ZNF552: variants seen among roughly 807,000 people sequenced by gnomAD.
ZNF552 encodes zinc finger protein 552.
ZNF552 carries 2 observed loss-of-function variants against 7.2 expected under a neutral mutation model. That is an observed-to-expected ratio of 0.28 (90% CI 0.11 to 0.88). The LOEUF (loss-of-function observed/expected upper bound fraction) is 0.88, where lower values mean the gene tolerates loss of function less well. Ranked by LOEUF, ZNF552 falls within the 40% of genes least tolerant of loss-of-function variation. The probability of loss-of-function intolerance (pLI) is 0.60; values close to 1 mark genes in which losing one functional copy is unlikely to be tolerated. For missense variants in ZNF552, 421 were observed against 493.4 expected (o/e 0.85, Z 1.39); for synonymous variants, 173 against 176.5 (o/e 0.98, Z 0.16).
chr19:57,809,961 G>A (rs1987822049), intron 2 of ZNF552, among the ~76,000 whole-genome samples: 1 of 151,516 alleles, frequency 6.6e-6, no homozygotes, highest in South Asian at 2.1e-4. Context: ...ACAAACATTA[G>A]CCAGGTGTGA....
At chr19:57,810,921 T>C (rs1322652573) in intron 2 of ZNF552, among the ~76,000 whole-genome samples, 1 of 152,280 alleles carries the variant, frequency 6.6e-6, no homozygotes, top group Non-Finnish European at 1.5e-5. Context: ...CTTTAAGGCA[T>C]TGAGATGTTT....
At chr19:57,813,979 C>G (rs1304862434) in intron 1 of ZNF552, among the ~76,000 whole-genome samples, 1 of 109,242 alleles carries the variant, frequency 9.2e-6, no homozygotes, top group Non-Finnish European at 2.0e-5. Context: ...CCGGACCAAC[C>G]CGCCTAGGCC....
chr19:57,808,090 T>A lies in ZNF552; in HGVS notation c.1174A>T (p.Ile392Phe). 6.2e-7 allele frequency: 1 copy of A among 1,613,982 alleles called. No homozygotes were observed. Among genetic ancestry groups the A allele is most frequent in the Non-Finnish European group, 8.5e-7 (1 of 1,179,956 alleles). ...CTCTGATGATGACGAAGTGAAGAGA[T>A]TTGCCTAAATTTTTTTTCACATTCA... Reference protein sequence around the residue: ...CSECEKKFRQISSLRHHQRVH... With the variant: ...CSECEKKFRQFSSLRHHQRVH... Residue 392 changes from isoleucine (I) to phenylalanine (F), a missense_variant, in exon 3 of 3, where the codon ATC (isoleucine) becomes TTC (phenylalanine). This residue lies in a region of ZNF552 where 299 missense variants were observed against 293.7 expected (regional missense o/e 1.02). Transcript: ENST00000391701.
In ZNF552 at chr19:57,808,574, G is replaced by T; in HGVS notation, c.690C>A (p.His230Gln). The T allele has an allele frequency of 6.2e-7, 1 of 1,614,118 alleles. No individual in the cohort carries two copies. Among genetic ancestry groups the T allele is most frequent in the South Asian group, 1.1e-5 (1 of 91,076 alleles). Residue 230 changes from histidine to glutamine, a missense_variant, in exon 3 of 3, where the codon CAC becomes CAA. Coordinates refer to ENST00000391701, the MANE Select transcript of ZNF552 (RefSeq NM_024762.3). ...GTTCTTCTGTAGGGAGCAGTCTCTCGTGCTGACTGAGTATATCTTTGGTGC... is the reference window on the plus strand; with the variant it reads ...GTTCTTCTGTAGGGAGCAGTCTCTCTTGCTGACTGAGTATATCTTTGGTGC... ...HFSTKDILSQ[H>Q]ERLLPTEEPS... is the part of the protein sequence containing the mutation.
chr19:57,814,859 G>T lies in ZNF552; in HGVS notation c.-116C>A, dbSNP rs372530870. The T allele has an allele frequency of 9.0e-6, 10 of 1,113,910 alleles. No individual in the cohort carries two copies. The highest frequency in any genetic ancestry group is 7.3e-5 in the South Asian group (5 of 68,548). The allele number at this position is 1,113,910 out of a possible 1,614,324, so 69.0% of individuals were successfully genotyped here. On this transcript the variant is annotated 5_prime_UTR_variant, in exon 1 of 3. Coordinates refer to ENST00000391701, the MANE Select transcript of ZNF552 (RefSeq NM_024762.3). ...ACCTCCTGGATCCAGTCACCACCAC[G>T]GTCCCAACACAGCGCTCCAAGGACT... is the stretch of plus-strand genomic sequence containing the variant.
intron 2 of ZNF552, 77 bp downstream of exon 2, chr19:57,813,217 G>A: frequency 1.9e-6 from 3 of 1,593,886 alleles, no homozygotes; most frequent in Non-Finnish European, 2.6e-6. Flanking sequence ...CCTGACATGA[G>A]AAAGTCTTGC....
At chr19:57,814,360 G>C (rs569067434) in intron 1 of ZNF552, 97 of 714,808 alleles carry the variant, frequency 1.4e-4, no homozygotes, top group Non-Finnish European at 2.1e-4. Context: ...CTTCTTTCTT[G>C]GAAATTCTCC....
intron 2 of ZNF552, 179 bp from the exon 3 acceptor site, chr19:57,809,282 A>G (rs1160719904): frequency 2.1e-5 from 30 of 1,444,646 alleles, no homozygotes; most frequent in Admixed American, 5.9e-5. Context: ...TGGTCACAGA[A>G]TGTAGGAGGC....
chr19:57,811,472 T>C (rs1248206128), intron 2 of ZNF552, among the ~76,000 whole-genome samples: 1 of 151,956 alleles, frequency 6.6e-6, no homozygotes. Flanking sequence ...CACTTTTCTT[T>C]CTCTATATTT....
In ZNF552 at chr19:57,807,582, A is replaced by C. The variant is rs1360536426; in HGVS notation, c.*458T>G. 1 of 155,170 alleles carries C rather than the reference A, an allele frequency of 6.4e-6. No individual in the cohort carries two copies. Among genetic ancestry groups the C allele is most frequent in the Non-Finnish European group, 1.4e-5 (1 of 70,094 alleles). 9.6% of individuals were successfully genotyped at this position (155,170 alleles called of 1,614,324 possible). A position where few individuals can be genotyped will look rare whatever the true frequency, so the allele number is the denominator to read the frequency against. On this transcript the variant is annotated 3_prime_UTR_variant, in exon 3 of 3. Transcript: ENST00000391701. ...AAAAGAAAAAGAAAATTCAAGACTTATCCTACAGCTCAAATATGCATACTT... is the reference window on the plus strand; with the variant it reads ...AAAAGAAAAAGAAAATTCAAGACTTCTCCTACAGCTCAAATATGCATACTT...
At chr19:57,812,077 T>C (rs1987868957) in intron 2 of ZNF552, among the ~76,000 whole-genome samples, 1 of 147,182 alleles carries the variant, frequency 6.8e-6, no homozygotes, top group South Asian at 2.1e-4. Flanking sequence ...GGCATGCACC[T>C]GTATTCCCAG....
chr19:57,813,915 G>A (rs1987906196), intron 1 of ZNF552, among the ~76,000 whole-genome samples: 1 of 151,728 alleles, frequency 6.6e-6, no homozygotes, highest in South Asian at 2.1e-4. Context: ...GGCTAATTTT[G>A]TATTTTTAGT....
chr19:57,814,499 A>G (rs2122152615), intron 1 of ZNF552: 2 of 1,535,784 alleles, frequency 1.3e-6, no homozygotes, highest in Non-Finnish European at 1.7e-6. Context: ...GGATCCGTCC[A>G]TCTCCAGGCC....
At chr19:57,814,346 G>C in intron 1 of ZNF552, 1 of 671,394 alleles carries the variant, frequency 1.5e-6, no homozygotes, top group Non-Finnish European at 2.5e-6. Flanking sequence ...CTTTGATCCA[G>C]TCCCTTCTTT....
chr19:57,808,579 G>C lies in ZNF552; in HGVS notation c.685C>G (p.Gln229Glu), dbSNP rs1471809341. The C allele has an allele frequency of 6.2e-7, 1 of 1,614,026 alleles. No individual in the cohort carries two copies. Among genetic ancestry groups the C allele is most frequent in the Non-Finnish European group, 8.5e-7 (1 of 1,180,040 alleles). Residue 229 changes from glutamine to glutamate, a missense_variant, in exon 3 of 3, where the codon CAG becomes GAG. Around this residue, in one of 2 missense-constraint regions of ZNF552, gnomAD observed 299 missense variants for 293.7 expected, o/e 1.02. Transcript: ENST00000391701. ...TCTGTAGGGAGCAGTCTCTCGTGCT[G>C]ACTGAGTATATCTTTGGTGCTAAAA... ...KHFSTKDILS[Q>E]HERLLPTEEP...
chr19:57,807,919 G>A lies in ZNF552; in HGVS notation c.*121C>T. On this transcript the variant is annotated 3_prime_UTR_variant, in exon 3 of 3. Coordinates refer to ENST00000391701, the MANE Select transcript of ZNF552 (RefSeq NM_024762.3). Reference sequence around the variant, plus strand: ...ACTTGTAAGGACTCTTCTCTAGTGTGAACTCTCCAATATCCAAGGAGAGCA... The same window carrying A: ...ACTTGTAAGGACTCTTCTCTAGTGTAAACTCTCCAATATCCAAGGAGAGCA... 1 of 1,297,338 alleles carries A rather than the reference G, an allele frequency of 7.7e-7. No homozygotes were observed. Among genetic ancestry groups the A allele is most frequent in the Non-Finnish European group, 1.1e-6 (1 of 946,798 alleles). The allele number at this position is 1,297,338 out of a possible 1,614,324, so 80.4% of individuals were successfully genotyped here. A position where few individuals can be genotyped will look rare whatever the true frequency, so the allele number is the denominator to read the frequency against.
intron 2 of ZNF552, among the ~76,000 whole-genome samples, chr19:57,811,500 C>T (rs1048614523): frequency 6.6e-6 from 1 of 151,994 alleles, no homozygotes; most frequent in Non-Finnish European, 1.5e-5. Flanking sequence ...GTGTCTCTTT[C>T]TTTTCTCAAG....
In ZNF552 at chr19:57,811,715, CAAAAAAAAA is replaced by C. The variant is rs1162967437; in HGVS notation, c.160+1570_160+1578del. 1.4e-4 allele frequency among the ~76,000 whole-genome samples: 7 copies of C among 49,704 alleles called. 1 individual carries two copies. The South Asian group carries it at 6.7e-3, about 48-fold the overall frequency. 32.6% of individuals were successfully genotyped at this position (49,704 alleles called of 152,430 possible). The stretch of plus-strand genomic sequence containing the variant: ...GGACAACAAGAGCGAAACTCCATCT[CAAAAAAAAA>C]AAAAAAAAAAAAAACAATGGAGAAG... On this transcript the variant is annotated intron_variant, in intron 2 of 2. Transcript: ENST00000391701.
chr19:57,808,028 G>A lies in ZNF552; in HGVS notation c.*12C>T. 1 of 1,591,938 alleles carries A rather than the reference G, an allele frequency of 6.3e-7. No individual in the cohort carries two copies. The highest frequency in any genetic ancestry group is 2.2e-5 in the East Asian group (1 of 44,710). On this transcript the variant is annotated 3_prime_UTR_variant, in exon 3 of 3. Coordinates refer to ENST00000391701, the MANE Select transcript of ZNF552 (RefSeq NM_024762.3). ...TATTCTCCAATATTTAATGAGACTG[G>A]ACTCACTGCACTCATAAGCCCTTTC...
Sources: allele counts gnomAD v4.1 joint callset (sites outside exome capture counted in the v4.1 genomes callset), GRCh38; gene constraint gnomAD v4.1.1; regional missense constraint gnomAD v4.1.1; transcripts MANE v1.5; gene names NCBI Gene and HGNC (gene_info 2026-07-23, HGNC 2026-07-21).